Variants in NAALADL2 observed in about 807,000 individuals in gnomAD.
The protein encoded by NAALADL2 is inactive N-acetylated-alpha-linked acidic dipeptidase-like protein 2.
Under a neutral mutation model 87.2 loss-of-function variants are expected in NAALADL2, and 76 were observed. The observed-to-expected ratio is 0.87, with a 90% CI of 0.72 to 1.05. The LOEUF is 1.05. NAALADL2 is among the 50% of genes least tolerant of loss of function. NAALADL2 has a pLI of 0.00. For synonymous variants in NAALADL2, 354 were observed against 331.0 expected (o/e 1.07, Z -0.75); for missense variants, 1,089 against 945.8 (o/e 1.15, Z -1.99).
At chr3:174,860,102 ATT>A (rs1434771173) in intron 1 of NAALADL2, among the ~76,000 whole-genome samples, 2 of 152,044 alleles carry the variant, frequency 1.3e-5, no homozygotes, top group Non-Finnish European at 2.9e-5. Context: ...CACATTTCAC[ATT>A]TTTGGGTAAC....
chr3:174,920,625 T>A (rs1050288044), intron 1 of NAALADL2, among the ~76,000 whole-genome samples: 1 of 152,194 alleles, frequency 6.6e-6, no homozygotes, highest in Non-Finnish European at 1.5e-5. Flanking sequence ...TACGGTGGTT[T>A]TGCTTTGCTA....
chr3:175,711,770 T>C (rs566142065), intron 11 of NAALADL2, among the ~76,000 whole-genome samples: 2 of 152,022 alleles, frequency 1.3e-5, no homozygotes, highest in South Asian at 2.1e-4. Flanking sequence ...TATGAGGAGA[T>C]ATAAAGTATT....
At chr3:175,397,479 C>T (rs764771562) in intron 5 of NAALADL2, 1 of 152,118 alleles carries the variant, frequency 6.6e-6, no homozygotes, top group Admixed American at 6.6e-5. Context: ...AAGGTCACAG[C>T]TTCATGGGGT....
intron 2 of NAALADL2, among the ~76,000 whole-genome samples, chr3:174,722,006 C>T (rs1388296714): frequency 1.3e-5 from 2 of 152,200 alleles, no homozygotes; most frequent in Non-Finnish European, 2.9e-5. Context: ...ATTGAAATAA[C>T]AGCCAAGACC....
intron 5 of NAALADL2, among the ~76,000 whole-genome samples, chr3:175,340,430 C>T (rs1230819990): frequency 2.0e-5 from 3 of 152,168 alleles, no homozygotes; most frequent in East Asian, 3.9e-4. Flanking sequence ...CTATTTACAG[C>T]TGACAGATGG....
intron 3 of NAALADL2, among the ~76,000 whole-genome samples, chr3:175,247,675 T>C (rs1748237736): frequency 6.6e-6 from 1 of 152,148 alleles, no homozygotes; most frequent in Non-Finnish European, 1.5e-5. Flanking sequence ...GAATGCCTTG[T>C]TCAGAAATTA....
chr3:175,337,455 G>A (rs1684142553), intron 5 of NAALADL2, among the ~76,000 whole-genome samples: 1 of 152,106 alleles, frequency 6.6e-6, no homozygotes, highest in South Asian at 2.1e-4. Flanking sequence ...AGGCATTGGG[G>A]CATTTCCCAA....
At chr3:175,534,706 A>C (rs1173112123) in intron 9 of NAALADL2, among the ~76,000 whole-genome samples, 1 of 151,856 alleles carries the variant, frequency 6.6e-6, no homozygotes, top group Non-Finnish European at 1.5e-5. Flanking sequence ...TGGGTATTTA[A>C]ATGATAAAGG....
chr3:174,816,296 A>G (rs1199714379), intron 3 of NAALADL2, among the ~76,000 whole-genome samples: 2 of 150,948 alleles, frequency 1.3e-5, no homozygotes, highest in East Asian at 3.9e-4. Flanking sequence ...CAGATAGTCT[A>G]TATAGTCTCT....
At position 174,453,882 on chromosome 3, in the gene NAALADL2, G is replaced by A. The variant is rs148395420; in HGVS notation, c.-184+12850G>A. Reference sequence around the variant, plus strand: ...CTGCATGATAACCAGCTAACACCATGATGACAGTATCAAATTTCCTCATAT... The same window carrying A: ...CTGCATGATAACCAGCTAACACCATAATGACAGTATCAAATTTCCTCATAT... On this transcript the variant is annotated intron_variant, in intron 1 of 3. Transcript: ENST00000434257. Among the ~76,000 whole-genome samples, 3 of 152,232 alleles carry A rather than the reference G, an allele frequency of 2.0e-5. No homozygotes were observed. In the East Asian group the frequency reaches 5.8e-4, roughly 30 times the overall value.
At chr3:174,872,731 CAT>C (rs902899833) in intron 1 of NAALADL2, among the ~76,000 whole-genome samples, 5 of 144,330 alleles carry the variant, frequency 3.5e-5, no homozygotes, top group African/African-American at 1.4e-4. Flanking sequence ...TACACACACA[CAT>C]ACACACACAC....
rs972604588 is a variant in NAALADL2 at position 174,831,539 on chromosome 3, T to G, written c.-9+93793T>G. Among the ~76,000 whole-genome samples the G allele has an allele frequency of 1.3e-4, 20 of 148,722 alleles. 1 individual carries two copies. The highest frequency in any genetic ancestry group is 9.8e-4 in the East Asian group (5 of 5,118). ...ATTTTATTGAGGATTTTTGCATCAA[T>G]GTTCATCAAGGATATTGGTCTAAAA... On this transcript the variant is annotated intron_variant, in intron 3 of 3. Coordinates refer to the NAALADL2 transcript ENST00000434257.
chr3:175,379,145 G>A (rs1767491738), intron 5 of NAALADL2, among the ~76,000 whole-genome samples: 2 of 151,028 alleles, frequency 1.3e-5, no homozygotes, highest in Admixed American at 6.6e-5. Context: ...CACTGGTTAA[G>A]AGATTGCATC....
At chr3:174,509,167 T>G (rs964687721) in intron 1 of NAALADL2, among the ~76,000 whole-genome samples, 5 of 151,978 alleles carry the variant, frequency 3.3e-5, no homozygotes, top group African/African-American at 1.2e-4. Flanking sequence ...ATTGAATATA[T>G]AAGTGGCAAT....
At chr3:175,131,909 G>A (rs1293844192) in intron 2 of NAALADL2, among the ~76,000 whole-genome samples, 6 of 105,686 alleles carry the variant, frequency 5.7e-5, no homozygotes, top group South Asian at 3.3e-4. Flanking sequence ...GCGGCTGGCC[G>A]GGCAGAGGGG....
chr3:175,549,748 A>C (rs1216926170), intron 9 of NAALADL2, among the ~76,000 whole-genome samples: 1 of 152,016 alleles, frequency 6.6e-6, no homozygotes, highest in Non-Finnish European at 1.5e-5. Flanking sequence ...GACTGCAAAA[A>C]ACTTAAGTCT....
chr3:174,787,576 CATAT>C (rs71300440), intron 3 of NAALADL2, among the ~76,000 whole-genome samples: 519 of 14,674 alleles, frequency 0.035, 24 homozygotes, highest in East Asian at 0.18. Flanking sequence ...AATATATCAT[CATAT>C]ATATATATAT....
chr3:175,219,015 C>T (rs1213028580), intron 2 of NAALADL2, among the ~76,000 whole-genome samples: 3 of 151,748 alleles, frequency 2.0e-5, no homozygotes, highest in East Asian at 1.9e-4. Context: ...AAATATGTGG[C>T]CAAATATTTA....
chr3:175,618,761 A>C (rs1725726343), intron 10 of NAALADL2, among the ~76,000 whole-genome samples: 1 of 152,116 alleles, frequency 6.6e-6, no homozygotes. Flanking sequence ...CAGGAATGTG[A>C]GTGCGAATTC....
Sources: gnomAD v4.1 joint callset for allele counts (sites outside exome capture counted in the v4.1 genomes callset) on GRCh38, gnomAD v4.1.1 for gene constraint, MANE v1.5 for transcripts, NCBI Gene and HGNC (gene_info 2026-07-23, HGNC 2026-07-21) for gene names.